Variants in NUP205 observed in about 807,000 individuals in gnomAD.
The protein encoded by NUP205 is nuclear pore complex protein Nup205.
A neutral mutation model predicts 253.8 loss-of-function variants in NUP205; 76 were observed. That is an observed-to-expected ratio of 0.30 (90% CI 0.25 to 0.36). The LOEUF is 0.36. Ranked by LOEUF, NUP205 falls within the 10% of genes least tolerant of loss-of-function variation. NUP205 has a pLI of 1.00. For missense variants in NUP205, 2,162 were observed against 2,425.5 expected (o/e 0.89, Z 2.28); for synonymous variants, 832 against 850.1 (o/e 0.98, Z 0.37).
At chr7:135,582,640 T>G (rs578166321) in intron 7 of NUP205, among the ~76,000 whole-genome samples, 4 of 152,210 alleles carry the variant, frequency 2.6e-5, no homozygotes, top group African/African-American at 9.6e-5. Context: ...ATTCTTTGAT[T>G]TTTTTGTAGA....
chr7:135,609,301 A>C (rs933177581), intron 22 of NUP205, among the ~76,000 whole-genome samples: 6 of 151,590 alleles, frequency 4.0e-5, no homozygotes, highest in African/African-American at 1.5e-4. Flanking sequence ...ACACAATGAA[A>C]CCCCATCTCT....
chr7:135,595,595 A>C (rs1793814641), intron 13 of NUP205, among the ~76,000 whole-genome samples: 1 of 152,092 alleles, frequency 6.6e-6, no homozygotes, highest in Non-Finnish European at 1.5e-5. Flanking sequence ...CAGGACCATA[A>C]ACTTAACTTT....
chr7:135,617,737 G>A, intron 27 of NUP205, 55 bp downstream of exon 27: 2 of 1,122,848 alleles, frequency 1.8e-6, no homozygotes, highest in Non-Finnish European at 2.7e-6. Context: ...TAGGTTGCTG[G>A]TGAAAAGACT....
chr7:135,619,829 C>G lies in NUP205; in HGVS notation c.4271C>G (p.Ser1424Cys), dbSNP rs373780226. Residue 1424 changes from serine (S) to cysteine (C), a missense_variant, in exon 30 of 43, where the codon TCT (serine) becomes TGT (cysteine). Around this residue, in one of 5 missense-constraint regions of NUP205, gnomAD observed 1,144 missense variants for 1,280.9 expected, o/e 0.89. Transcript: ENST00000285968. ...FQRVRTHLYG[S>C]LLYYLQIAQR... is the part of the protein sequence containing the mutation. Reference sequence around the variant, plus strand: ...CGAGTGAGGACTCACTTGTATGGCTCTCTGCTTTATTACTTACAGATTGCC... The same window carrying G: ...CGAGTGAGGACTCACTTGTATGGCTGTCTGCTTTATTACTTACAGATTGCC... The G allele has an allele frequency of 6.2e-7, 1 of 1,613,902 alleles. No homozygotes were observed.
At chr7:135,584,388 GCTA>G in intron 7 of NUP205, among the ~76,000 whole-genome samples, 1 of 152,066 alleles carries the variant, frequency 6.6e-6, no homozygotes, top group Non-Finnish European at 1.5e-5. Context: ...TTAAATTTTA[GCTA>G]CTTGGTTACC....
intron 27 of NUP205, 38 bp from the exon 28 acceptor site, chr7:135,618,374 G>A (rs113058456): frequency 1.8e-5 from 27 of 1,541,880 alleles, no homozygotes; most frequent in African/African-American, 1.2e-4. Context: ...GATCTTATTT[G>A]CCTGTTTAAC....
At chr7:135,613,955 A>G in intron 22 of NUP205, 1 of 376,566 alleles carries the variant, frequency 2.7e-6, no homozygotes, top group Non-Finnish European at 4.8e-6. Context: ...ACTCCATTGT[A>G]TTTCAGTGTA....
rs1280009260 is a variant in NUP205 at position 135,573,839 on chromosome 7, T to C, written c.343+14T>C. 6.3e-7 allele frequency: 1 copy of C among 1,596,462 alleles called. No individual in the cohort carries two copies. The highest frequency in any genetic ancestry group is 8.5e-7 in the Non-Finnish European group (1 of 1,170,878). On this transcript the variant is annotated intron_variant, in intron 3 of 42. Coordinates refer to ENST00000285968, the MANE Select transcript of NUP205 (RefSeq NM_015135.3). ...TTCTTCTTGCTGGTAGGTTGACATT[T>C]AACTGAAACAGTGGTAAAATAATGC...
At chr7:135,603,117 T>C (rs548184856) in intron 18 of NUP205, 123 bp downstream of exon 18, 2 of 504,734 alleles carry the variant, frequency 4.0e-6, no homozygotes, top group East Asian at 3.4e-5. Context: ...TTTTACTTTT[T>C]TTTTTTTTTT....
intron 1 of NUP205, among the ~76,000 whole-genome samples, chr7:135,563,333 G>GCC (rs1334713375): frequency 1.3e-5 from 2 of 151,940 alleles, no homozygotes; most frequent in Non-Finnish European, 2.9e-5. Flanking sequence ...GACTACAGGC[G>GCC]CATGCCATCA....
intron 27 of NUP205, 115 bp downstream of exon 27, chr7:135,617,797 T>C (rs1052278295): frequency 6.9e-5 from 37 of 534,268 alleles, no homozygotes; most frequent in African/African-American, 1.2e-4. Context: ...TGCCTAAAAA[T>C]TAAACATTTA....
At position 135,625,179 on chromosome 7, in the gene NUP205, C is replaced by G. The variant is rs770476500; in HGVS notation, c.4495C>G (p.Leu1499Val). Reference protein sequence around the residue: ...HEIGRMLALALLDRIVSVDKQ... With the variant: ...HEIGRMLALAVLDRIVSVDKQ... ...CTTCCTTCAGATGCTGGCCCTGGCTCTACTTGATAGAATTGTCTCCGTGGA... is the reference window on the plus strand; with the variant it reads ...CTTCCTTCAGATGCTGGCCCTGGCTGTACTTGATAGAATTGTCTCCGTGGA... Residue 1499 changes from leucine to valine, a missense_variant, in exon 32 of 43, where the codon CTA becomes GTA. By Grantham distance (32) the Leu-to-Val change is conservative. Around this residue, in one of 5 missense-constraint regions of NUP205, gnomAD observed 1,144 missense variants for 1,280.9 expected, o/e 0.89. Coordinates refer to ENST00000285968, the MANE Select transcript of NUP205 (RefSeq NM_015135.3). 8 of 1,612,724 alleles carry G rather than the reference C, an allele frequency of 5.0e-6. No individual in the cohort carries two copies. The highest frequency in any genetic ancestry group is 2.2e-5 in the East Asian group (1 of 44,862).
At chr7:135,593,800 CTA>C (rs1182808879) in intron 12 of NUP205, among the ~76,000 whole-genome samples, 3 of 152,152 alleles carry the variant, frequency 2.0e-5, no homozygotes, top group Admixed American at 1.3e-4. Flanking sequence ...CAGTTATTAA[CTA>C]TTTCTCACTG....
chr7:135,584,991 C>T lies in NUP205; in HGVS notation c.1202C>T (p.Ala401Val), dbSNP rs1328221883. ...CATAATCTCATCACAGATTTCCTTG[C>T]ACTTATGCCAATGAAGGTAAGTGTA... ...RVHNLITDFL[A>V]LMPMKVKQLR... The change falls in exon 8 of 43, where the codon GCA (alanine) becomes GTA (valine). Residue 401 changes from alanine (A) to valine (V), a missense_variant. Physicochemically the swap from Ala to Val is moderately conservative, Grantham distance 64. Around this residue, in one of 5 missense-constraint regions of NUP205, gnomAD observed 892 missense variants for 957.1 expected, o/e 0.93. Coordinates refer to ENST00000285968, the MANE Select transcript of NUP205 (RefSeq NM_015135.3). 1.9e-6 allele frequency: 3 copies of T among 1,610,950 alleles called. No homozygotes were observed. In the East Asian group the frequency reaches 6.7e-5, roughly 36 times the overall value.
At chr7:135,585,447 C>T (rs560956797) in intron 8 of NUP205, among the ~76,000 whole-genome samples, 1 of 152,182 alleles carries the variant, frequency 6.6e-6, no homozygotes, top group African/African-American at 2.4e-5. Flanking sequence ...AAATTACTAA[C>T]CTCATGCTGC....
At chr7:135,581,486 A>G (rs770561625) in intron 7 of NUP205, among the ~76,000 whole-genome samples, 24 of 151,990 alleles carry the variant, frequency 1.6e-4, no homozygotes, top group Admixed American at 4.6e-4. Flanking sequence ...GAGAGGCTGT[A>G]GTGAGCTGAA....
At position 135,567,124 on chromosome 7, in the gene NUP205, GTGTGTATATATATATATATATATATA is replaced by G. The variant is rs1379299508; in HGVS notation, c.29-3979_29-3954del. Among the ~76,000 whole-genome samples, 131 of 24,242 alleles carry G rather than the reference GTGTGTATATATATATATATATATATA, an allele frequency of 5.4e-3. 10 individuals carry two copies. The highest frequency in any genetic ancestry group is 0.042 in the South Asian group (19 of 448). 15.9% of individuals were successfully genotyped at this position (24,242 alleles called of 152,430 possible). A position where few individuals can be genotyped will look rare whatever the true frequency, so the allele number is the denominator to read the frequency against. On this transcript the variant is annotated intron_variant, in intron 1 of 42. Coordinates refer to ENST00000285968, the MANE Select transcript of NUP205 (RefSeq NM_015135.3). ...ATTCTGTCTGTCTTGCTCAGTCTAT[GTGTGTATATATATATATATATATATA>G]TATATATATATATATATATATATAT...
chr7:135,594,774 G>T (rs1216720545), intron 13 of NUP205, 45 bp downstream of exon 13: 1 of 1,468,434 alleles, frequency 6.8e-7, no homozygotes, highest in Non-Finnish European at 9.3e-7. Flanking sequence ...AATGTGGAAA[G>T]TTGGGCTTGA....
At chr7:135,600,392 G>A (rs1793942139) in intron 15 of NUP205, among the ~76,000 whole-genome samples, 1 of 152,150 alleles carries the variant, frequency 6.6e-6, no homozygotes, top group Admixed American at 6.5e-5. Context: ...CTTTCAGCCT[G>A]TTTGCTGCCA....
Sources: gnomAD v4.1 joint callset for allele counts (sites outside exome capture counted in the v4.1 genomes callset) on GRCh38, gnomAD v4.1.1 for gene constraint, gnomAD v4.1.1 regional missense constraint, MANE v1.5 for transcripts, NCBI Gene and HGNC (gene_info 2026-07-23, HGNC 2026-07-21) for gene names.